Variants in TIMP2 observed in about 807,000 individuals in gnomAD.
The protein encoded by TIMP2 is TIMP metallopeptidase inhibitor 2.
TIMP2 carries 5 observed loss-of-function variants against 24.3 expected under a neutral mutation model. That is an observed-to-expected ratio of 0.21 (90% CI 0.11 to 0.43). The LOEUF (loss-of-function observed/expected upper bound fraction) is 0.43, where lower values mean the gene tolerates loss of function less well. TIMP2 is among the 20% of genes least tolerant of loss of function. TIMP2 has a pLI of 1.00. For missense variants in TIMP2, 221 were observed against 297.5 expected, an observed-to-expected ratio of 0.74 and a Z score of 1.89; for synonymous variants, 130 against 123.2, an observed-to-expected ratio of 1.06 and a Z score of -0.37.
At chr17:78,882,171 C>A (rs1484714444) in intron 1 of TIMP2, among the ~76,000 whole-genome samples, 2 of 152,190 alleles carry the variant, frequency 1.3e-5, no homozygotes, top group Non-Finnish European at 2.9e-5. Context: ...GGGGTTTCAC[C>A]ATGTTGGCCA....
In TIMP2 at chr17:78,855,547, T is replaced by C. The variant is rs371521602; in HGVS notation, c.*120A>G. The C allele has an allele frequency of 7.8e-5, 90 of 1,158,194 alleles. No individual in the cohort carries two copies. The highest frequency in any genetic ancestry group is 6.8e-4 in the African/African-American group (44 of 65,146). The allele number at this position is 1,158,194 out of a possible 1,614,324, so 71.7% of individuals were successfully genotyped here. A position where few individuals can be genotyped will look rare whatever the true frequency, so the allele number is the denominator to read the frequency against. On this transcript the variant is annotated 3_prime_UTR_variant, in exon 5 of 5. Transcript: ENST00000262768. This position sits in a 1 kb window ranked among gnomAD's most constrained non-coding sequence, Gnocchi z 6.0. ...AAGGGGGGAGCAGAATCATATTAAT[T>C]TGGACCCATGGGATGAGTGTTTTAT... is the stretch of plus-strand genomic sequence containing the variant.
Position 78,879,893 on chromosome 17 carries a change from G to C in TIMP2, c.131-5974C>G, listed in dbSNP as rs561890124. The stretch of plus-strand genomic sequence containing the variant: ...ACTTCCCCCCTGCAAAAACAATCCC[G>C]AGCGCACCCGCCAGAGTGGGGACGG... On this transcript the variant is annotated intron_variant, in intron 1 of 4. Coordinates refer to ENST00000262768, the MANE Select transcript of TIMP2 (RefSeq NM_003255.5). Among the ~76,000 whole-genome samples, 115 of 137,510 alleles carry C rather than the reference G, an allele frequency of 8.4e-4. 1 individual carries two copies. The highest frequency in any genetic ancestry group is 3.0e-3 in the African/African-American group (113 of 37,362). 90.2% of individuals were successfully genotyped at this position (137,510 alleles called of 152,430 possible).
At chr17:78,914,282 T>TTATTTAC (rs2070236002) in intron 1 of TIMP2, among the ~76,000 whole-genome samples, 1 of 50,434 alleles carries the variant, frequency 2.0e-5, no homozygotes, top group Non-Finnish European at 4.4e-5. Context: ...TATTTATTTA[T>TTATTTAC]TTATTTATTT....
intron 1 of TIMP2, chr17:78,899,637 G>T (rs2070059110): frequency 1.3e-5 from 2 of 152,254 alleles, no homozygotes; most frequent in Admixed American, 6.5e-5. Context: ...CCCTAGCCTG[G>T]AACGCTGCAC....
At chr17:78,902,526 C>T (rs113434673) in intron 1 of TIMP2, 12,600 of 152,600 alleles carry the variant, frequency 0.083, 535 homozygotes, top group Middle Eastern at 0.13. Context: ...GGCCACAGCT[C>T]ATGAATCTGT....
chr17:78,879,485 G>A (rs2069759391), intron 1 of TIMP2, among the ~76,000 whole-genome samples: 2 of 152,202 alleles, frequency 1.3e-5, no homozygotes, highest in African/African-American at 4.8e-5. Context: ...CCTACTGGGT[G>A]CTGGGCCTGG....
chr17:78,880,033 G>C (rs556988994), intron 1 of TIMP2, among the ~76,000 whole-genome samples: 1 of 152,200 alleles, frequency 6.6e-6, no homozygotes, highest in South Asian at 2.1e-4. Context: ...AGGCCGGACC[G>C]GCTGCTGCTG....
chr17:78,919,844 AAAAAG>A (rs1420308591), intron 1 of TIMP2, among the ~76,000 whole-genome samples: 1 of 151,488 alleles, frequency 6.6e-6, no homozygotes, highest in East Asian at 1.9e-4. Flanking sequence ...GAAAAAAAAG[AAAAAG>A]AAAAGAAGAC....
At chr17:78,922,147 G>C (rs1160597106) in intron 1 of TIMP2, 2 of 152,264 alleles carry the variant, frequency 1.3e-5, no homozygotes, top group South Asian at 2.1e-4. Flanking sequence ...CAATCTTTAA[G>C]AATCTTCCAG....
At chr17:78,921,920 T>C (rs1344627351) in intron 1 of TIMP2, among the ~76,000 whole-genome samples, 2 of 152,206 alleles carry the variant, frequency 1.3e-5, no homozygotes, top group Non-Finnish European at 2.9e-5. Context: ...CAATTGCCTC[T>C]TGTAGACACC....
chr17:78,882,820 T>C (rs2377003), intron 1 of TIMP2, among the ~76,000 whole-genome samples: 143,064 of 152,338 alleles, frequency 0.94, 67,308 homozygotes, highest in African/African-American at 0.98. Context: ...ACAAGTGTTG[T>C]GAGGTGACAG....
At chr17:78,868,050 C>G (rs1334985236) in intron 3 of TIMP2, among the ~76,000 whole-genome samples, 4 of 152,212 alleles carry the variant, frequency 2.6e-5, no homozygotes, top group African/African-American at 9.7e-5. Context: ...CCCATTGTCT[C>G]TAACACGGGG....
intron 3 of TIMP2, among the ~76,000 whole-genome samples, chr17:78,859,791 C>T (rs2069553751): frequency 1.3e-5 from 2 of 151,508 alleles, no homozygotes; most frequent in African/African-American, 4.9e-5. Flanking sequence ...CAGGCATTTG[C>T]GACTAGTCTG....
chr17:78,863,883 G>A (rs984689320), intron 3 of TIMP2, among the ~76,000 whole-genome samples: 5 of 152,036 alleles, frequency 3.3e-5, no homozygotes, highest in African/African-American at 1.2e-4. Flanking sequence ...ACAACCCCTC[G>A]TGGGGCAGAT....
chr17:78,909,733 T>C (rs905285578), intron 1 of TIMP2, among the ~76,000 whole-genome samples: 3 of 152,154 alleles, frequency 2.0e-5, no homozygotes, highest in African/African-American at 4.8e-5. Flanking sequence ...TGCAGCGTCA[T>C]GCTACCGACA....
chr17:78,911,266 G>A (rs1469448180), intron 1 of TIMP2, among the ~76,000 whole-genome samples: 1 of 152,114 alleles, frequency 6.6e-6, no homozygotes, highest in Admixed American at 6.5e-5. Context: ...ATGGAAAGGG[G>A]AAGCTGGTCT....
In TIMP2 at chr17:78,909,914, G is replaced by A. The variant is rs566742735; in HGVS notation, c.130+15045C>T. Among the ~76,000 whole-genome samples, 76 of 152,250 alleles carry A rather than the reference G, an allele frequency of 5.0e-4. 1 individual carries two copies. Among genetic ancestry groups the A allele is most frequent in the African/African-American group, 1.8e-3 (74 of 41,546 alleles). ...ACAGAAAAGGCAGAGTCACACAACC[G>A]GAGGCGGAGTGTCCGTCTAGTACTG... On this transcript the variant is annotated intron_variant, in intron 1 of 4. Transcript: ENST00000262768.
chr17:78,912,040 G>T (rs2070213899), intron 1 of TIMP2, among the ~76,000 whole-genome samples: 1 of 151,966 alleles, frequency 6.6e-6, no homozygotes, highest in Non-Finnish European at 1.5e-5. Context: ...CTCCAGCCTG[G>T]ACAACAGAGT....
intron 1 of TIMP2, among the ~76,000 whole-genome samples, chr17:78,906,318 A>T (rs1457643446): frequency 6.6e-6 from 1 of 152,220 alleles, no homozygotes. Flanking sequence ...CAGTGAGCTA[A>T]GATCATGCCA....
Sources: gnomAD v4.1 joint callset for allele counts (sites outside exome capture counted in the v4.1 genomes callset) on GRCh38, gnomAD v4.1.1 for gene constraint, Gnocchi (gnomAD v3.1) non-coding constraint, MANE v1.5 for transcripts, NCBI Gene and HGNC (gene_info 2026-07-23, HGNC 2026-07-21) for gene names.